The following DNAAF11 variants were observed in gnomAD, a reference collection of about 807,000 sequenced individuals.
The protein encoded by DNAAF11 is leucine rich repeat containing 6.
A neutral mutation model predicts 60.8 loss-of-function variants in DNAAF11; 45 were observed. The ratio of observed to expected loss-of-function variants is 0.74; its 90% CI spans 0.58 to 0.95. The LOEUF (loss-of-function observed/expected upper bound fraction) is 0.95, where lower values mean the gene tolerates loss of function less well. DNAAF11 is among the 40% of genes least tolerant of loss of function. The pLI, the probability that DNAAF11 is intolerant of heterozygous loss-of-function variation, is 0.00. For missense variants in DNAAF11, 546 were observed against 546.2 expected (o/e 1.00, Z 0.00); for synonymous variants, 191 against 183.5 (o/e 1.04, Z -0.33).
intron 1 of DNAAF11, among the ~76,000 whole-genome samples, chr8:132,667,007 T>C (rs907745872): frequency 2.0e-5 from 3 of 152,174 alleles, no homozygotes; most frequent in African/African-American, 7.2e-5. Context: ...GAAGATTCTG[T>C]AAATTATGCG....
chr8:132,583,799 C>T lies in DNAAF11; in HGVS notation c.1141-20G>A. On this transcript the variant is annotated intron_variant, in intron 10 of 11. Transcript: ENST00000620350. ...TCCTACCTAAAATAAAAATGAAACA[C>T]ACACCAAGTGGTGCATTACTCCTTG... The T allele has an allele frequency of 6.5e-7, 1 of 1,545,896 alleles. No homozygotes were observed.
intron 11 of DNAAF11, among the ~76,000 whole-genome samples, chr8:132,581,736 T>C (rs1409466658): frequency 6.8e-6 from 1 of 146,962 alleles, no homozygotes; most frequent in East Asian, 1.9e-4. Flanking sequence ...GTTCTACCAC[T>C]TATCAACTTT....
At chr8:132,674,112 C>CAGG (rs1289910379) in intron 1 of DNAAF11, among the ~76,000 whole-genome samples, 6 of 46,694 alleles carry the variant, frequency 1.3e-4, no homozygotes, top group East Asian at 1.4e-3. Flanking sequence ...GGAGGAGGAG[C>CAGG]AGGAGGAGGA....
chr8:132,570,649 T>TG lies in DNAAF11; in HGVS notation c.*1656dup, dbSNP rs1814093830. Among the ~76,000 whole-genome samples, 1 of 151,996 alleles carries TG rather than the reference T, an allele frequency of 6.6e-6. No individual in the cohort carries two copies. The highest frequency in any genetic ancestry group is 6.6e-5 in the Admixed American group (1 of 15,256). On this transcript the variant is annotated 3_prime_UTR_variant, in exon 12 of 12. Transcript: ENST00000620350. ...GGGTAGAGTTGACCATGAAGAAAGG[T>TG]GTTATACTCAGTCATTGCCATCAGT...
At chr8:132,622,384 A>G (rs559371757) in intron 7 of DNAAF11, among the ~76,000 whole-genome samples, 1 of 152,344 alleles carries the variant, frequency 6.6e-6, no homozygotes, top group African/African-American at 2.4e-5. Context: ...TAAGATCTCC[A>G]TATGTCAAGA....
chr8:132,675,406 G>A, intron 1 of DNAAF11, 78 bp downstream of exon 1: 2 of 1,472,366 alleles, frequency 1.4e-6, no homozygotes. Context: ...GGCGGGAGCG[G>A]GCGGCGAGGA....
At chr8:132,649,350 C>G (rs1375349513) in intron 3 of DNAAF11, among the ~76,000 whole-genome samples, 2 of 152,070 alleles carry the variant, frequency 1.3e-5, no homozygotes, top group African/African-American at 2.4e-5. Context: ...TTCCTTACAC[C>G]TTAACAAAAA....
chr8:132,662,853 T>C (rs895015685), intron 1 of DNAAF11, among the ~76,000 whole-genome samples: 1 of 152,262 alleles, frequency 6.6e-6, no homozygotes. Flanking sequence ...CAGCAACTTC[T>C]GCTACCACAC....
chr8:132,649,044 G>A (rs1173614845), intron 3 of DNAAF11, among the ~76,000 whole-genome samples: 2 of 152,118 alleles, frequency 1.3e-5, no homozygotes, highest in Non-Finnish European at 2.9e-5. Flanking sequence ...AACCAAAAAA[G>A]AGCCCGCATT....
At chr8:132,633,026 G>A in intron 4 of DNAAF11, 63 bp from the exon 5 acceptor site, 1 of 1,100,154 alleles carries the variant, frequency 9.1e-7, no homozygotes, top group South Asian at 1.4e-5. Flanking sequence ...TCAGCCCCAG[G>A]TTGATTTTGA....
At chr8:132,616,457 G>A (rs1049043993) in intron 7 of DNAAF11, among the ~76,000 whole-genome samples, 3 of 152,140 alleles carry the variant, frequency 2.0e-5, no homozygotes, top group African/African-American at 7.2e-5. Flanking sequence ...TCAGTGAGAT[G>A]TGGCTGGATT....
chr8:132,649,314 T>C lies in DNAAF11; in HGVS notation c.256+7516A>G, dbSNP rs111296650. 1.9e-3 allele frequency among the ~76,000 whole-genome samples: 286 copies of C among 152,298 alleles called. 2 individuals are homozygous for C. Among genetic ancestry groups the C allele is most frequent in the African/African-American group, 6.5e-3 (272 of 41,574 alleles). On this transcript the variant is annotated intron_variant, in intron 3 of 11. Coordinates refer to ENST00000620350, the MANE Select transcript of DNAAF11 (RefSeq NM_012472.6). ...TGCTGCTGGGAAAACTGGCTAGCCA[T>C]ATGTAGAAAGCTGAAACTGGATCCC...
At chr8:132,655,189 C>A (rs1002001402) in intron 3 of DNAAF11, among the ~76,000 whole-genome samples, 1 of 151,812 alleles carries the variant, frequency 6.6e-6, no homozygotes, top group African/African-American at 2.4e-5. Flanking sequence ...AAAGACATAA[C>A]CTTCCAAAAC....
the DNAAF11 span, among the ~76,000 whole-genome samples, chr8:132,681,127 C>G: frequency 6.9e-6 from 1 of 145,172 alleles, no homozygotes; most frequent in Non-Finnish European, 1.5e-5. Context: ...TCTCCTGCCT[C>G]AGCCTCCCAA....
At chr8:132,620,082 T>C (rs562655718) in intron 7 of DNAAF11, among the ~76,000 whole-genome samples, 3 of 152,218 alleles carry the variant, frequency 2.0e-5, no homozygotes, top group Admixed American at 6.5e-5. Context: ...GAGCAGCTTG[T>C]AGGACAGTAG....
At chr8:132,614,741 A>G (rs2130071657) in intron 8 of DNAAF11, among the ~76,000 whole-genome samples, 1 of 152,322 alleles carries the variant, frequency 6.6e-6, no homozygotes, top group Admixed American at 6.5e-5. Context: ...CTATGCCAGC[A>G]AAGACAGAGT....
chr8:132,686,530 C>G, the DNAAF11 span, among the ~76,000 whole-genome samples: 1 of 152,050 alleles, frequency 6.6e-6, no homozygotes, highest in African/African-American at 2.4e-5. Context: ...AACACTACTG[C>G]ATTGCGGAAA....
At chr8:132,617,944 T>G (rs1446897755) in intron 7 of DNAAF11, among the ~76,000 whole-genome samples, 1 of 149,386 alleles carries the variant, frequency 6.7e-6, no homozygotes, top group Non-Finnish European at 1.5e-5. Flanking sequence ...TGGAAAAAAC[T>G]ACTTTAAAGT....
intron 3 of DNAAF11, among the ~76,000 whole-genome samples, chr8:132,647,384 T>G (rs1822504073): frequency 6.6e-6 from 1 of 152,012 alleles, no homozygotes; most frequent in South Asian, 2.1e-4. Flanking sequence ...AGAGGGAAAT[T>G]TACAGCACTA....
Sources: allele counts gnomAD v4.1 joint callset (sites outside exome capture counted in the v4.1 genomes callset), GRCh38; gene constraint gnomAD v4.1.1; transcripts MANE v1.5; gene names NCBI Gene and HGNC (gene_info 2026-07-23, HGNC 2026-07-21).